TENM3: variants seen among roughly 807,000 people sequenced by gnomAD.
TENM3 encodes teneurin-3.
In TENM3, 63 loss-of-function variants were observed where a neutral mutation model predicts 255.1. The ratio of observed to expected loss-of-function variants is 0.25; its 90% CI spans 0.20 to 0.30. The LOEUF is 0.30. Among genes scored for constraint, TENM3 ranks in the 10% least tolerant of loss-of-function variants. The pLI, the probability that TENM3 is intolerant of heterozygous loss-of-function variation, is 1.00. For synonymous variants in TENM3, 1,306 were observed against 1,322.3 expected (o/e 0.99, Z 0.27); for missense variants, 2,929 against 3,461.1 (o/e 0.85, Z 3.86).
intron 3 of TENM3, among the ~76,000 whole-genome samples, chr4:182,495,090 C>T (rs959006139): frequency 6.6e-6 from 1 of 152,140 alleles, no homozygotes; most frequent in African/African-American, 2.4e-5. Flanking sequence ...TTATGACAAG[C>T]CTTTTGCCTG....
chr4:182,548,398 C>T (rs1035246203), intron 3 of TENM3, among the ~76,000 whole-genome samples: 1 of 152,072 alleles, frequency 6.6e-6, no homozygotes, highest in African/African-American at 2.4e-5. Flanking sequence ...ACTTGAAGAA[C>T]GTCCATACAT....
the TENM3 span, among the ~76,000 whole-genome samples, chr4:181,719,440 G>T: frequency 1.3e-5 from 2 of 152,100 alleles, no homozygotes; most frequent in Admixed American, 1.3e-4. Flanking sequence ...CGGTTCTGGA[G>T]ATGGGAAGTC....
At chr4:182,705,983 C>T (rs529924843) in intron 12 of TENM3, among the ~76,000 whole-genome samples, 2 of 152,220 alleles carry the variant, frequency 1.3e-5, no homozygotes, top group African/African-American at 4.8e-5. Context: ...ATTTATGAAG[C>T]GGTGTCATCA....
At chr4:182,431,455 C>A (rs1437807736) in intron 3 of TENM3, among the ~76,000 whole-genome samples, 1 of 152,010 alleles carries the variant, frequency 6.6e-6, no homozygotes, top group Non-Finnish European at 1.5e-5. Context: ...GATCGCGCCA[C>A]TGCACTCCAG....
At chr4:182,344,076 A>G (rs1352528183) in intron 2 of TENM3, among the ~76,000 whole-genome samples, 1 of 143,748 alleles carries the variant, frequency 7.0e-6, no homozygotes, top group Non-Finnish European at 1.6e-5. Context: ...CAAGGTATTT[A>G]TTTTTTAAGT....
the TENM3 span, among the ~76,000 whole-genome samples, chr4:182,119,019 T>A: frequency 3.9e-5 from 6 of 152,288 alleles, no homozygotes; most frequent in South Asian, 1.2e-3. Flanking sequence ...CGTAGTCCCA[T>A]GACAGGGTCT....
At chr4:181,534,926 T>C in the TENM3 span, among the ~76,000 whole-genome samples, 1 of 152,166 alleles carries the variant, frequency 6.6e-6, no homozygotes, top group Non-Finnish European at 1.5e-5. Context: ...CCAGCTCTTC[T>C]GGAGGCTGTG....
chr4:182,794,097 G>A (rs1036218441), intron 26 of TENM3, among the ~76,000 whole-genome samples: 13 of 152,150 alleles, frequency 8.5e-5, no homozygotes, highest in African/African-American at 2.4e-4. Flanking sequence ...GCCTGCCATT[G>A]CCCAAGGCCA....
At chr4:181,718,715 T>C in the TENM3 span, among the ~76,000 whole-genome samples, 9 of 152,340 alleles carry the variant, frequency 5.9e-5, no homozygotes, top group South Asian at 1.0e-3. Context: ...TTTTTTTCTT[T>C]GTTTCACTCT....
At chr4:182,683,178 A>G (rs1020500005) in intron 11 of TENM3, among the ~76,000 whole-genome samples, 5 of 152,194 alleles carry the variant, frequency 3.3e-5, no homozygotes, top group Admixed American at 2.6e-4. Flanking sequence ...GCAAATTACT[A>G]TATGCCTCAG....
At chr4:182,042,054 T>C in the TENM3 span, among the ~76,000 whole-genome samples, 1 of 152,216 alleles carries the variant, frequency 6.6e-6, no homozygotes, top group Non-Finnish European at 1.5e-5. Context: ...ATGATCACAA[T>C]GGATTATAGA....
At chr4:181,825,157 C>T in the TENM3 span, among the ~76,000 whole-genome samples, 1 of 152,184 alleles carries the variant, frequency 6.6e-6, no homozygotes, top group African/African-American at 2.4e-5. Context: ...AATCCCAGCA[C>T]TTTGGGAGGC....
At chr4:181,605,588 A>AGAAAGAAAGAAAGAAAGAGAAAGAAAG in the TENM3 span, among the ~76,000 whole-genome samples, 3 of 37,566 alleles carry the variant, frequency 8.0e-5, no homozygotes, top group Non-Finnish European at 1.1e-4. Context: ...AAGAAAGGAA[A>AGAAAGAAAGAAAGAAAGAGAAAGAAAG]GAAAGAAAGA....
intron 19 of TENM3, among the ~76,000 whole-genome samples, chr4:182,745,961 T>C (rs1761985899): frequency 6.6e-6 from 1 of 152,212 alleles, no homozygotes; most frequent in Admixed American, 6.5e-5. Context: ...TCCATCATCC[T>C]AACTACATTT....
At chr4:181,984,447 G>C in the TENM3 span, among the ~76,000 whole-genome samples, 9 of 151,916 alleles carry the variant, frequency 5.9e-5, no homozygotes, top group Admixed American at 4.6e-4. Flanking sequence ...TTTCCGGGAA[G>C]AAAGAAAAAG....
Position 182,524,344 on chromosome 4 carries a change from C to G in TENM3, c.512-76580C>G, listed in dbSNP as rs894270874. On this transcript the variant is annotated intron_variant, in intron 3 of 27. Coordinates refer to ENST00000511685, the MANE Select transcript of TENM3 (RefSeq NM_001080477.4). ...AATGGTGGGTTAATATACCTCCACACTGATGAGCTTTTTTTTTTTTTTTTT... is the reference window on the plus strand; with the variant it reads ...AATGGTGGGTTAATATACCTCCACAGTGATGAGCTTTTTTTTTTTTTTTTT... 2.5e-4 allele frequency among the ~76,000 whole-genome samples: 36 copies of G among 145,632 alleles called. 1 individual carries two copies. The East Asian group carries it at 3.5e-3, about 14-fold the overall frequency.
chr4:181,702,162 G>C, the TENM3 span, among the ~76,000 whole-genome samples: 2 of 152,328 alleles, frequency 1.3e-5, no homozygotes, highest in South Asian at 4.1e-4. Context: ...CAGATATGCA[G>C]ATAGAGTAGG....
chr4:182,446,169 C>G (rs1004807802), intron 3 of TENM3, among the ~76,000 whole-genome samples: 1 of 152,216 alleles, frequency 6.6e-6, no homozygotes, highest in Non-Finnish European at 1.5e-5. Flanking sequence ...GCTACTGCTA[C>G]TGCTCAGCTT....
chr4:181,468,469 G>A, the TENM3 span, among the ~76,000 whole-genome samples: 1 of 152,076 alleles, frequency 6.6e-6, no homozygotes, highest in African/African-American at 2.4e-5. Context: ...TTCTATTTCT[G>A]CATGTATCAT....
Sources: gnomAD v4.1 joint callset for allele counts (sites outside exome capture counted in the v4.1 genomes callset) on GRCh38, gnomAD v4.1.1 for gene constraint, MANE v1.5 for transcripts, NCBI Gene and HGNC (gene_info 2026-07-23, HGNC 2026-07-21) for gene names.